RPH3A: variants seen among roughly 807,000 people sequenced by gnomAD.
The protein encoded by RPH3A is rabphilin 3A, also known as rabphilin-3A.
RPH3A carries 48 observed loss-of-function variants against 102.2 expected under a neutral mutation model. The observed-to-expected ratio is 0.47, with a 90% CI of 0.37 to 0.60. The LOEUF (loss-of-function observed/expected upper bound fraction) is 0.60. Among genes scored for constraint, RPH3A ranks in the 20% least tolerant of loss-of-function variants. RPH3A has a pLI of 0.00. For synonymous variants in RPH3A, 310 were observed against 324.3 expected, an observed-to-expected ratio of 0.96 and a Z score of 0.47; for missense variants, 781 against 910.1, an observed-to-expected ratio of 0.86 and a Z score of 1.83.
intron 1 of RPH3A, among the ~76,000 whole-genome samples, chr12:112,600,795 A>T (rs556801467): frequency 1.3e-5 from 2 of 152,274 alleles, no homozygotes; most frequent in East Asian, 3.9e-4. Context: ...CCAATTTACT[A>T]TATTAGTCCG....
chr12:112,638,886 G>A (rs1021026652), intron 1 of RPH3A, among the ~76,000 whole-genome samples: 10 of 152,162 alleles, frequency 6.6e-5, no homozygotes, highest in Non-Finnish European at 1.5e-4. Flanking sequence ...TACTATGGCC[G>A]AGGTCTGCAG....
intron 1 of RPH3A, among the ~76,000 whole-genome samples, chr12:112,696,403 T>G (rs2040352404): frequency 6.6e-6 from 1 of 152,218 alleles, no homozygotes. Context: ...CTTTAAGAAA[T>G]CTCTATACTG....
intron 6 of RPH3A, 54 bp downstream of exon 6, chr12:112,865,597 G>T (rs1333164794): frequency 6.3e-7 from 1 of 1,577,448 alleles, no homozygotes; most frequent in African/African-American, 1.5e-5. Flanking sequence ...AGAGGGGAAA[G>T]TCCTAGGCTC....
intron 1 of RPH3A, among the ~76,000 whole-genome samples, chr12:112,636,360 G>A (rs1296066266): frequency 1.3e-5 from 2 of 152,220 alleles, no homozygotes; most frequent in Non-Finnish European, 2.9e-5. Flanking sequence ...GGCTAACAAT[G>A]CAATGTCTGG....
intron 1 of RPH3A, among the ~76,000 whole-genome samples, chr12:112,694,667 CACACACACACACACACAG>C (rs1451240928): frequency 3.4e-4 from 51 of 148,132 alleles, no homozygotes; most frequent in Non-Finnish European, 5.3e-4. Flanking sequence ...CACACACACA[CACACACACACACACACAG>C]AGAGAGAGAG....
At chr12:112,725,648 T>C (rs2040583106) in intron 1 of RPH3A, among the ~76,000 whole-genome samples, 1 of 152,216 alleles carries the variant, frequency 6.6e-6, no homozygotes, top group Non-Finnish European at 1.5e-5. Flanking sequence ...GTTGGTGTTC[T>C]TCTGGCCACG....
chr12:112,615,746 G>A (rs182984492), intron 1 of RPH3A, among the ~76,000 whole-genome samples: 6 of 152,270 alleles, frequency 3.9e-5, no homozygotes, highest in Non-Finnish European at 7.4e-5. Context: ...GCCAACTGAA[G>A]GCTCTGGAAA....
At chr12:112,722,594 AAGT>A (rs1327611750) in intron 1 of RPH3A, among the ~76,000 whole-genome samples, 1 of 152,234 alleles carries the variant, frequency 6.6e-6, no homozygotes, top group Non-Finnish European at 1.5e-5. Context: ...AGTGAAATGT[AAGT>A]AGAAGTATTG....
chr12:112,818,108 C>T (rs546092459), intron 2 of RPH3A, among the ~76,000 whole-genome samples: 3 of 151,778 alleles, frequency 2.0e-5, no homozygotes, highest in South Asian at 2.1e-4. Flanking sequence ...GTCAGGAGAT[C>T]GAGACCATGG....
chr12:112,853,692 G>A (rs1401933379), intron 5 of RPH3A, among the ~76,000 whole-genome samples: 1 of 152,074 alleles, frequency 6.6e-6, no homozygotes, highest in Admixed American at 6.6e-5. Context: ...AGCTGAGTGT[G>A]GTGGTGCATG....
At chr12:112,732,510 A>G (rs2040641802) in intron 1 of RPH3A, among the ~76,000 whole-genome samples, 1 of 152,212 alleles carries the variant, frequency 6.6e-6, no homozygotes, top group Non-Finnish European at 1.5e-5. Context: ...AACGCACGCT[A>G]GGTTCCCCAA....
At chr12:112,642,140 A>T (rs1261700774) in intron 1 of RPH3A, among the ~76,000 whole-genome samples, 1 of 152,196 alleles carries the variant, frequency 6.6e-6, no homozygotes, top group East Asian at 1.9e-4. Context: ...TTTGTAAAAA[A>T]CAAACATAGC....
intron 1 of RPH3A, among the ~76,000 whole-genome samples, chr12:112,627,245 T>A (rs1000503926): frequency 6.6e-5 from 10 of 151,588 alleles, no homozygotes; most frequent in South Asian, 2.1e-4. Flanking sequence ...TATTATGCAC[T>A]ATACATTTAT....
chr12:112,718,611 A>C (rs1032608777), intron 1 of RPH3A, among the ~76,000 whole-genome samples: 17 of 152,188 alleles, frequency 1.1e-4, no homozygotes, highest in Admixed American at 9.8e-4. Flanking sequence ...AACTATTGCC[A>C]CTGCGCGTTG....
chr12:112,670,106 A>G (rs1203516752), intron 1 of RPH3A, among the ~76,000 whole-genome samples: 1 of 152,228 alleles, frequency 6.6e-6, no homozygotes, highest in African/African-American at 2.4e-5. Context: ...AATGTTAGAC[A>G]TTGCCAAAAA....
At chr12:112,712,960 CTT>C (rs1565856967) in intron 1 of RPH3A, among the ~76,000 whole-genome samples, 3 of 106,356 alleles carry the variant, frequency 2.8e-5, no homozygotes, top group East Asian at 2.9e-4. Context: ...TCTTCTTCTT[CTT>C]CTTTCTTCTT....
chr12:112,728,546 A>C (rs1207357577), intron 1 of RPH3A, among the ~76,000 whole-genome samples: 1 of 152,174 alleles, frequency 6.6e-6, no homozygotes, highest in East Asian at 1.9e-4. Context: ...ATAAAGACTT[A>C]AGAATCAATG....
At chr12:112,849,509 TA>T (rs1202893933) in intron 5 of RPH3A, among the ~76,000 whole-genome samples, 1 of 152,124 alleles carries the variant, frequency 6.6e-6, no homozygotes, top group Non-Finnish European at 1.5e-5. Context: ...ATATGTATGT[TA>T]AAGGTAAACG....
intron 1 of RPH3A, among the ~76,000 whole-genome samples, chr12:112,756,841 C>T (rs1051350131): frequency 2.0e-5 from 3 of 152,216 alleles, no homozygotes; most frequent in Admixed American, 2.0e-4. Flanking sequence ...TGCATAGGAA[C>T]ACTCCTACCA....
Sources: gnomAD v4.1 joint callset for allele counts (sites outside exome capture counted in the v4.1 genomes callset) on GRCh38, gnomAD v4.1.1 for gene constraint, MANE v1.5 for transcripts, NCBI Gene and HGNC (gene_info 2026-07-23, HGNC 2026-07-21) for gene names.